RANBP2: variants seen among roughly 807,000 people sequenced by gnomAD.
RANBP2 encodes the protein E3 SUMO-protein ligase RanBP2.
A neutral mutation model predicts 303.6 loss-of-function variants in RANBP2; 57 were observed. That is an observed-to-expected ratio of 0.19 (90% CI 0.15 to 0.23). The LOEUF (loss-of-function observed/expected upper bound fraction) is 0.23. Among genes scored for constraint, RANBP2 ranks in the 10% least tolerant of loss-of-function variants. The pLI is 1.00. For missense variants in RANBP2, 3,138 were observed against 3,780.8 expected (o/e 0.83, Z 4.46); for synonymous variants, 1,167 against 1,301.5 (o/e 0.90, Z 2.23).
chr2:109,598,516 G>C, the RANBP2 span, among the ~76,000 whole-genome samples: 1 of 152,132 alleles, frequency 6.6e-6, no homozygotes, highest in South Asian at 2.1e-4. Flanking sequence ...GCGAGAGCGA[G>C]AGAGAACAAA....
the RANBP2 span, among the ~76,000 whole-genome samples, chr2:108,969,676 T>C: frequency 2.4e-3 from 364 of 152,322 alleles, 1 homozygote; most frequent in African/African-American, 8.4e-3. Context: ...TATTAAGTGC[T>C]TACTAAAGGC....
At chr2:108,981,078 G>A in the RANBP2 span, among the ~76,000 whole-genome samples, 8 of 152,164 alleles carry the variant, frequency 5.3e-5, no homozygotes, top group African/African-American at 9.7e-5. Context: ...CTCACGGCCC[G>A]CTCTAAGCAC....
the RANBP2 span, among the ~76,000 whole-genome samples, chr2:109,689,969 G>T: frequency 6.6e-6 from 1 of 152,052 alleles, no homozygotes; most frequent in African/African-American, 2.4e-5. Flanking sequence ...TTCCTGAGCT[G>T]GATTATGTAC....
the RANBP2 span, among the ~76,000 whole-genome samples, chr2:109,708,986 TA>T: frequency 7.1e-6 from 1 of 141,246 alleles, no homozygotes; most frequent in Non-Finnish European, 1.5e-5. Context: ...CAAAAATAAA[TA>T]AATAAGTAAA....
chr2:109,331,294 G>T, the RANBP2 span, among the ~76,000 whole-genome samples: 1 of 152,120 alleles, frequency 6.6e-6, no homozygotes, highest in African/African-American at 2.4e-5. Flanking sequence ...TCAGGAATTG[G>T]CCATCAAATG....
At chr2:109,442,378 G>A in the RANBP2 span, among the ~76,000 whole-genome samples, 1 of 151,546 alleles carries the variant, frequency 6.6e-6, no homozygotes, top group Non-Finnish European at 1.5e-5. Context: ...TAGAAAGAAG[G>A]CAGATGATAC....
At chr2:108,772,430 TA>T in intron 21 of RANBP2, 58 bp from the exon 22 acceptor site, 1 of 1,409,298 alleles carries the variant, frequency 7.1e-7, no homozygotes, top group Non-Finnish European at 1.0e-6. Flanking sequence ...AGGTAGTCCC[TA>T]AGCAAGGAAA....
At chr2:108,820,994 A>C in the RANBP2 span, among the ~76,000 whole-genome samples, 1 of 142,094 alleles carries the variant, frequency 7.0e-6, no homozygotes, top group Admixed American at 7.5e-5. Flanking sequence ...TAATTCTTGC[A>C]TAGAATGTAA....
At chr2:108,762,626 AC>A (rs1676806083) in intron 19 of RANBP2, among the ~76,000 whole-genome samples, 1 of 126,952 alleles carries the variant, frequency 7.9e-6, no homozygotes, top group Non-Finnish European at 1.6e-5. Flanking sequence ...GCTTATTTTG[AC>A]CACAGGCAAG....
chr2:109,012,338 A>G, the RANBP2 span, among the ~76,000 whole-genome samples: 1 of 152,168 alleles, frequency 6.6e-6, no homozygotes, highest in Non-Finnish European at 1.5e-5. Context: ...GGGTGCCAAC[A>G]TTCCTACCGC....
chr2:108,744,174 C>T (rs781259203), intron 7 of RANBP2, among the ~76,000 whole-genome samples: 13 of 152,268 alleles, frequency 8.5e-5, no homozygotes, highest in East Asian at 3.9e-4. Context: ...GAGGCTGAGG[C>T]GGGCGGATCA....
chr2:108,804,056 C>T, the RANBP2 span, among the ~76,000 whole-genome samples: 1 of 152,016 alleles, frequency 6.6e-6, no homozygotes, highest in African/African-American at 2.4e-5. Context: ...TCTCTGATCT[C>T]TCCATTTTTG....
the RANBP2 span, among the ~76,000 whole-genome samples, chr2:109,212,857 G>A: frequency 1.3e-5 from 2 of 152,284 alleles, no homozygotes; most frequent in South Asian, 2.1e-4. Flanking sequence ...ACCAGGCTGG[G>A]CACTGGAAGA....
the RANBP2 span, among the ~76,000 whole-genome samples, chr2:109,308,256 T>G: frequency 7.8e-6 from 1 of 128,002 alleles, no homozygotes. Context: ...GTTTGCCCAC[T>G]TTTTGATGGG....
chr2:109,334,289 T>C, the RANBP2 span, among the ~76,000 whole-genome samples: 1 of 146,688 alleles, frequency 6.8e-6, no homozygotes, highest in Admixed American at 6.9e-5. Flanking sequence ...GCCCAGGAAG[T>C]CAAGGCTTCA....
chr2:108,791,541 T>G, the RANBP2 span: 1 of 1,044,164 alleles, frequency 9.6e-7, no homozygotes. Context: ...TTTTTACATG[T>G]TTACATTTTG....
the RANBP2 span, among the ~76,000 whole-genome samples, chr2:109,395,963 G>A: frequency 6.6e-6 from 1 of 152,242 alleles, no homozygotes; most frequent in South Asian, 2.1e-4. Context: ...TTGGGGAGAA[G>A]GGAATCATTT....
the RANBP2 span, among the ~76,000 whole-genome samples, chr2:108,990,958 T>G: frequency 6.6e-6 from 1 of 152,248 alleles, no homozygotes; most frequent in Non-Finnish European, 1.5e-5. Flanking sequence ...ACAGTGTGTT[T>G]GAGGTTTGGG....
the RANBP2 span, among the ~76,000 whole-genome samples, chr2:109,037,697 C>T: frequency 6.6e-6 from 1 of 152,104 alleles, no homozygotes; most frequent in African/African-American, 2.4e-5. Flanking sequence ...TAACACAATA[C>T]CATTTATGAC....
Sources: gnomAD v4.1 joint callset for allele counts (sites outside exome capture counted in the v4.1 genomes callset) on GRCh38, gnomAD v4.1.1 for gene constraint, MANE v1.5 for transcripts, NCBI Gene and HGNC (gene_info 2026-07-23, HGNC 2026-07-21) for gene names.